The following C12orf42 variants were observed in gnomAD, a reference collection of about 807,000 sequenced individuals.
C12orf42 encodes uncharacterized protein C12orf42.
Under a neutral mutation model 21.6 loss-of-function variants are expected in C12orf42, and 25 were observed. The observed-to-expected ratio is 1.16, with a 90% confidence interval of 0.84 to 1.62. C12orf42 has a LOEUF of 1.62. Among genes scored for constraint, C12orf42 ranks in the 40% most tolerant of loss-of-function variants. The probability of loss-of-function intolerance (pLI) is 0.00; values close to 1 mark genes in which losing one functional copy is unlikely to be tolerated. For missense variants in C12orf42, 483 were observed against 459.3 expected, an observed-to-expected ratio of 1.05 and a Z score of -0.47; for synonymous variants, 174 against 175.0, an observed-to-expected ratio of 0.99 and a Z score of 0.05.
At chr12:103,051,517 G>A in the C12orf42 span, among the ~76,000 whole-genome samples, 1 of 152,016 alleles carries the variant, frequency 6.6e-6, no homozygotes, top group Non-Finnish European at 1.5e-5. Flanking sequence ...AACTCCCTAG[G>A]GCCTAACTAT....
chr12:103,506,331 A>G, the C12orf42 span, among the ~76,000 whole-genome samples: 25 of 132,956 alleles, frequency 1.9e-4, no homozygotes, highest in East Asian at 1.5e-3. Flanking sequence ...ACAAAACAAA[A>G]CAAAAAAAAA....
chr12:103,261,757 T>C (rs948258309), intron 10 of C12orf42, among the ~76,000 whole-genome samples: 2 of 152,286 alleles, frequency 1.3e-5, no homozygotes, highest in East Asian at 1.9e-4. Flanking sequence ...TATCTTAACA[T>C]TGTATTTCTT....
At chr12:103,406,407 A>T (rs2138808388) in intron 2 of C12orf42, among the ~76,000 whole-genome samples, 1 of 152,330 alleles carries the variant, frequency 6.6e-6, no homozygotes, top group Non-Finnish European at 1.5e-5. Context: ...TTCTCCAAGA[A>T]GAGACCTGGA....
chr12:103,107,406 G>T, the C12orf42 span, among the ~76,000 whole-genome samples: 1 of 151,774 alleles, frequency 6.6e-6, no homozygotes, highest in South Asian at 2.1e-4. Context: ...CCAGAAAATC[G>T]AAATACACAT....
At chr12:103,047,988 A>G in the C12orf42 span, among the ~76,000 whole-genome samples, 1 of 152,148 alleles carries the variant, frequency 6.6e-6, no homozygotes, top group African/African-American at 2.4e-5. Flanking sequence ...CAAAGGCTCC[A>G]TCTTACCAGG....
At chr12:103,521,997 G>A in the C12orf42 span, among the ~76,000 whole-genome samples, 31 of 152,250 alleles carry the variant, frequency 2.0e-4, no homozygotes, top group Admixed American at 1.7e-3. Context: ...CAGTTGTGCT[G>A]TCTCCTGGTT....
At chr12:103,343,890 CCA>C (rs2042389767) in intron 4 of C12orf42, among the ~76,000 whole-genome samples, 1 of 152,050 alleles carries the variant, frequency 6.6e-6, no homozygotes, top group African/African-American at 2.4e-5. Context: ...AGGAGAAAGT[CCA>C]CTGTTTTTCT....
At chr12:103,107,482 A>G in the C12orf42 span, among the ~76,000 whole-genome samples, 4 of 151,966 alleles carry the variant, frequency 2.6e-5, no homozygotes, top group Non-Finnish European at 5.9e-5. Flanking sequence ...AACTGCCAAT[A>G]TATTTGAAAA....
At chr12:103,047,904 A>G in the C12orf42 span, among the ~76,000 whole-genome samples, 1 of 152,220 alleles carries the variant, frequency 6.6e-6, no homozygotes, top group East Asian at 1.9e-4. Flanking sequence ...TTTGAGGCTC[A>G]GGCTTAGAAA....
intron 4 of C12orf42, among the ~76,000 whole-genome samples, chr12:103,293,693 G>T (rs962336488): frequency 6.6e-6 from 1 of 152,076 alleles, no homozygotes; most frequent in East Asian, 1.9e-4. Flanking sequence ...TTATGGAATG[G>T]TGCATAAATC....
intron 3 of C12orf42, among the ~76,000 whole-genome samples, chr12:103,391,249 T>C (rs1202576984): frequency 6.6e-6 from 1 of 152,178 alleles, no homozygotes; most frequent in African/African-American, 2.4e-5. Flanking sequence ...CTATGAACAC[T>C]GGTATACAAG....
At chr12:103,068,683 A>G in the C12orf42 span, among the ~76,000 whole-genome samples, 2 of 151,836 alleles carry the variant, frequency 1.3e-5, no homozygotes, top group East Asian at 3.9e-4. Context: ...GAAAAAATTG[A>G]AAAGGCTAGA....
intron 2 of C12orf42, among the ~76,000 whole-genome samples, chr12:103,428,044 C>T (rs1054657137): frequency 2.0e-5 from 3 of 152,018 alleles, no homozygotes; most frequent in Non-Finnish European, 4.4e-5. Flanking sequence ...AATTGATGCC[C>T]TAACATCACA....
chr12:103,061,083 G>C, the C12orf42 span, among the ~76,000 whole-genome samples: 6 of 152,122 alleles, frequency 3.9e-5, no homozygotes, highest in Non-Finnish European at 7.4e-5. Flanking sequence ...GCTTGAGGGG[G>C]ATGCTTCTGG....
the C12orf42 span, among the ~76,000 whole-genome samples, chr12:103,058,921 CT>C: frequency 6.6e-6 from 1 of 151,974 alleles, no homozygotes; most frequent in Non-Finnish European, 1.5e-5. Flanking sequence ...ATTAAAAGAA[CT>C]AGAGAAACAA....
the C12orf42 span, among the ~76,000 whole-genome samples, chr12:103,078,786 T>C: frequency 1.3e-5 from 2 of 152,238 alleles, no homozygotes; most frequent in East Asian, 3.8e-4. Flanking sequence ...GACTAGTTTT[T>C]GGCAGTGGGT....
At chr12:103,122,458 C>T in the C12orf42 span, among the ~76,000 whole-genome samples, 14 of 152,078 alleles carry the variant, frequency 9.2e-5, no homozygotes, top group African/African-American at 3.1e-4. Flanking sequence ...AGGCACTATA[C>T]AGCTTTTGGG....
intron 5 of C12orf42, among the ~76,000 whole-genome samples, chr12:103,272,450 G>A (rs548164241): frequency 4.1e-4 from 62 of 152,250 alleles, no homozygotes; most frequent in Non-Finnish European, 7.4e-4. Context: ...AAGATCATTC[G>A]ATTTCTTACT....
chr12:103,414,846 A>C (rs2049165315), intron 2 of C12orf42, among the ~76,000 whole-genome samples: 1 of 152,130 alleles, frequency 6.6e-6, no homozygotes, highest in Non-Finnish European at 1.5e-5. Context: ...AGATAGTTTA[A>C]CTTCTTTTCC....
Sources: allele counts gnomAD v4.1 joint callset (sites outside exome capture counted in the v4.1 genomes callset), GRCh38; gene constraint gnomAD v4.1.1; transcripts MANE v1.5; gene names NCBI Gene and HGNC (gene_info 2026-07-23, HGNC 2026-07-21).